The following DPP10 variants were observed in gnomAD, a reference collection of about 807,000 sequenced individuals.
DPP10 encodes the protein inactive dipeptidyl peptidase 10.
Under a neutral mutation model 120.9 loss-of-function variants are expected in DPP10, and 33 were observed. The ratio of observed to expected loss-of-function variants is 0.27; its 90% CI spans 0.21 to 0.37. DPP10 has a LOEUF of 0.37. DPP10 is among the 10% of genes least tolerant of loss of function. The pLI is 1.00. For missense variants in DPP10, 816 were observed against 942.8 expected, an observed-to-expected ratio of 0.87 and a Z score of 1.76; for synonymous variants, 337 against 326.1, an observed-to-expected ratio of 1.03 and a Z score of -0.36.
chr2:115,740,296 A>G (rs1031938890), intron 9 of DPP10, among the ~76,000 whole-genome samples: 3 of 152,080 alleles, frequency 2.0e-5, no homozygotes, highest in Non-Finnish European at 4.4e-5. Flanking sequence ...TTAAAAAAAA[A>G]TCTAGCTTCT....
chr2:115,233,429 G>T lies in DPP10; in HGVS notation c.61-75810G>T, dbSNP rs188217501. Among the ~76,000 whole-genome samples, 726 of 152,252 alleles carry T rather than the reference G, an allele frequency of 4.8e-3. 5 individuals are homozygous for T. Among genetic ancestry groups the T allele is most frequent in the African/African-American group, 0.016 (662 of 41,550 alleles). ...GCAGTCTAAGAATGCAGTCCCGTGT[G>T]TGATTATAAGACCTCTTTCTCCCTT... is the stretch of plus-strand genomic sequence containing the variant. On this transcript the variant is annotated intron_variant, in intron 1 of 25. Coordinates refer to ENST00000410059, the MANE Select transcript of DPP10 (RefSeq NM_020868.6).
chr2:115,774,237 CA>C (rs1293677623), intron 13 of DPP10, among the ~76,000 whole-genome samples: 5 of 151,680 alleles, frequency 3.3e-5, no homozygotes, highest in Non-Finnish European at 7.4e-5. Flanking sequence ...CACACACACA[CA>C]CACCAAAATA....
intron 1 of DPP10, among the ~76,000 whole-genome samples, chr2:115,221,373 C>T (rs1574060658): frequency 1.3e-5 from 2 of 152,050 alleles, no homozygotes; most frequent in African/African-American, 2.4e-5. Context: ...GTTGCTTTTG[C>T]GTTATACTCA....
chr2:115,523,143 C>T (rs766323368), intron 4 of DPP10, among the ~76,000 whole-genome samples: 40 of 151,964 alleles, frequency 2.6e-4, no homozygotes, highest in South Asian at 8.3e-4. Context: ...GCTTGGGCCC[C>T]GGAAAAGATA....
At chr2:115,515,330 TA>T (rs1419500208) in intron 4 of DPP10, among the ~76,000 whole-genome samples, 3 of 152,204 alleles carry the variant, frequency 2.0e-5, no homozygotes, top group African/African-American at 7.2e-5. Context: ...TAGTGTATGA[TA>T]CTCTCTGTTA....
chr2:114,662,326 C>A lies in DPP10; in HGVS notation c.60+219488C>A, dbSNP rs1456986307. 2.0e-5 allele frequency among the ~76,000 whole-genome samples: 3 copies of A among 152,312 alleles called. No homozygotes were observed. The East Asian group carries it at 5.8e-4, about 30-fold the overall frequency. On this transcript the variant is annotated intron_variant, in intron 1 of 25. Transcript: ENST00000410059. ...AAATCTCCTCGGCACGCGGGCCTCCCTGCGGGGGCGCGGGCACCGCTGCGC... is the reference window on the plus strand; with the variant it reads ...AAATCTCCTCGGCACGCGGGCCTCCATGCGGGGGCGCGGGCACCGCTGCGC...
At chr2:115,736,425 A>G (rs1267917357) in intron 8 of DPP10, among the ~76,000 whole-genome samples, 1 of 152,166 alleles carries the variant, frequency 6.6e-6, no homozygotes, top group Non-Finnish European at 1.5e-5. Flanking sequence ...TAAAATTAGT[A>G]AATACCACCA....
At chr2:115,146,712 TTGA>T (rs1262117372) in intron 1 of DPP10, among the ~76,000 whole-genome samples, 4 of 152,060 alleles carry the variant, frequency 2.6e-5, no homozygotes, top group Non-Finnish European at 5.9e-5. Flanking sequence ...AATCACCAAG[TTGA>T]TGATATTAGG....
intron 1 of DPP10, among the ~76,000 whole-genome samples, chr2:114,530,415 G>T (rs1476394600): frequency 6.6e-6 from 1 of 152,166 alleles, no homozygotes; most frequent in East Asian, 1.9e-4. Context: ...CAACAGCAGT[G>T]AAAGTAGCCT....
chr2:114,557,436 G>C (rs541090055), intron 1 of DPP10, among the ~76,000 whole-genome samples: 1 of 152,192 alleles, frequency 6.6e-6, no homozygotes, highest in African/African-American at 2.4e-5. Context: ...GATTGAAAGA[G>C]AAGTGGAGAC....
chr2:114,873,484 C>T (rs1407463892), intron 1 of DPP10, among the ~76,000 whole-genome samples: 1 of 152,106 alleles, frequency 6.6e-6, no homozygotes, highest in Non-Finnish European at 1.5e-5. Context: ...ACTACAGCTG[C>T]ACAACTATTC....
At chr2:114,939,879 T>C (rs936625394) in intron 1 of DPP10, among the ~76,000 whole-genome samples, 31 of 152,304 alleles carry the variant, frequency 2.0e-4, no homozygotes, top group African/African-American at 6.7e-4. Context: ...TTGATTTCAG[T>C]TTGTATATCT....
Position 115,499,609 on chromosome 2 carries a change from G to A in DPP10, c.366+5G>A. The A allele has an allele frequency of 1.3e-6, 2 of 1,593,960 alleles. No homozygotes were observed. Among genetic ancestry groups the A allele is most frequent in the Non-Finnish European group, 1.7e-6 (2 of 1,163,286 alleles). ...TTATTGGAAAACACAACTTTTGTAAGTAATGAATAATTAATTACTTTATGC... is the reference window on the plus strand; with the variant it reads ...TTATTGGAAAACACAACTTTTGTAAATAATGAATAATTAATTACTTTATGC... On this transcript the variant is annotated splice_donor_5th_base_variant and intron_variant, in intron 4 of 25. Transcript: ENST00000410059.
chr2:115,072,170 GT>G lies in DPP10; in HGVS notation c.61-237061del, dbSNP rs1031520372. The stretch of plus-strand genomic sequence containing the variant: ...CACATTGATGCCTTCCTTCCCCACT[GT>G]TTTTTTTAAAAAGCACATATATCAC... On this transcript the variant is annotated intron_variant, in intron 1 of 25. Transcript: ENST00000410059. Among the ~76,000 whole-genome samples, 6 of 151,992 alleles carry G rather than the reference GT, an allele frequency of 3.9e-5. 1 individual carries two copies. In the East Asian group the frequency reaches 1.2e-3, roughly 29 times the overall value.
intron 1 of DPP10, among the ~76,000 whole-genome samples, chr2:114,888,542 T>C (rs1247053998): frequency 6.6e-6 from 1 of 152,230 alleles, no homozygotes; most frequent in African/African-American, 2.4e-5. Flanking sequence ...ACACTTCCAG[T>C]TAACACAAAG....
At chr2:115,259,806 A>T (rs1424844788) in intron 1 of DPP10, among the ~76,000 whole-genome samples, 5 of 152,116 alleles carry the variant, frequency 3.3e-5, no homozygotes, top group Non-Finnish European at 5.9e-5. Context: ...CATATGCATA[A>T]ACATATTCAC....
chr2:114,534,943 G>C (rs990964049), intron 1 of DPP10, among the ~76,000 whole-genome samples: 1 of 152,078 alleles, frequency 6.6e-6, no homozygotes, highest in Admixed American at 6.6e-5. Flanking sequence ...GGTGTAACTT[G>C]TGTTGGTTTT....
intron 1 of DPP10, among the ~76,000 whole-genome samples, chr2:115,215,237 GATA>G (rs1271611317): frequency 7.9e-5 from 12 of 152,214 alleles, no homozygotes; most frequent in African/African-American, 2.9e-4. Flanking sequence ...CATAACTTAT[GATA>G]TTTGTCCAAA....
intron 3 of DPP10, among the ~76,000 whole-genome samples, chr2:115,483,784 T>G (rs958125758): frequency 2.0e-5 from 3 of 152,110 alleles, no homozygotes; most frequent in African/African-American, 7.2e-5. Flanking sequence ...ATCTGATTAT[T>G]CTTAACAACT....
Sources: gnomAD v4.1 joint callset for allele counts (sites outside exome capture counted in the v4.1 genomes callset) on GRCh38, gnomAD v4.1.1 for gene constraint, MANE v1.5 for transcripts, NCBI Gene and HGNC (gene_info 2026-07-23, HGNC 2026-07-21) for gene names.